ZFYVE27: variants seen among roughly 807,000 people sequenced by gnomAD.
ZFYVE27 encodes protrudin.
A neutral mutation model predicts 52.8 loss-of-function variants in ZFYVE27; 36 were observed. That is an observed-to-expected ratio of 0.68 (90% CI 0.52 to 0.90). The LOEUF (loss-of-function observed/expected upper bound fraction) is 0.90, where lower values mean the gene tolerates loss of function less well. ZFYVE27 is among the 40% of genes least tolerant of loss of function. The probability of loss-of-function intolerance (pLI) is 0.00; values close to 1 mark genes in which losing one functional copy is unlikely to be tolerated. For missense variants in ZFYVE27, 450 were observed against 527.2 expected, an observed-to-expected ratio of 0.85 and a Z score of 1.43; for synonymous variants, 223 against 215.6, an observed-to-expected ratio of 1.03 and a Z score of -0.30.
Position 97,746,494 on chromosome 10 carries a change from A to G in ZFYVE27, c.455+1579A>G, listed in dbSNP as rs182077680. The stretch of plus-strand genomic sequence containing the variant: ...TTTTCTTTTTCCTAAACCATTTGAA[A>G]GTAAGTTGCAAACGTGACTTAATAC... On this transcript the variant is annotated intron_variant, in intron 4 of 12. Coordinates refer to ENST00000684270, the MANE Select transcript of ZFYVE27 (RefSeq NM_001385875.1). Among the ~76,000 whole-genome samples, 7 of 152,338 alleles carry G rather than the reference A, an allele frequency of 4.6e-5. No homozygotes were observed. In the East Asian group the frequency reaches 1.3e-3, roughly 29 times the overall value.
chr10:97,748,590 T>C (rs1564820052), intron 5 of ZFYVE27, among the ~76,000 whole-genome samples: 1 of 152,206 alleles, frequency 6.6e-6, no homozygotes, highest in East Asian at 1.9e-4. Context: ...GAAAAATAAC[T>C]CACCATATAA....
intron 11 of ZFYVE27, 76 bp downstream of exon 11, chr10:97,757,387 C>A: frequency 6.2e-7 from 1 of 1,602,152 alleles, no homozygotes; most frequent in South Asian, 1.1e-5. Context: ...TGAGGGGAGT[C>A]ATTGAGAAAG....
chr10:97,753,213 G>T (rs1202445504), intron 10 of ZFYVE27, 31 bp downstream of exon 10: 1 of 1,599,400 alleles, frequency 6.3e-7, no homozygotes, highest in Admixed American at 1.7e-5. Flanking sequence ...TGGGCTGGTG[G>T]GGGAGTGGGG....
At chr10:97,750,519 C>T (rs762710983) in intron 7 of ZFYVE27, 49 bp downstream of exon 7, 2 of 1,610,604 alleles carry the variant, frequency 1.2e-6, no homozygotes, top group Non-Finnish European at 1.7e-6. Flanking sequence ...TTGTGGGCCC[C>T]CCTGTTATCA....
chr10:97,746,501 T>G (rs1205901722), intron 4 of ZFYVE27, among the ~76,000 whole-genome samples: 1 of 152,216 alleles, frequency 6.6e-6, no homozygotes, highest in African/African-American at 2.4e-5. Context: ...GAAAGTAAGT[T>G]GCAAACGTGA....
At position 97,751,414 on chromosome 10, in the gene ZFYVE27, G is replaced by A. The variant is rs771469785; in HGVS notation, c.828G>A (p.Glu276=). Residue 276 remains glutamate (E), a synonymous_variant, in exon 8 of 13, where the codon GAG becomes GAA. Transcript: ENST00000684270. ...PTEDLTPGSV[E]EAEEAEPDEE... ...AGGACCTCACACCGGGCAGCGTGGA[G>A]GAGGCTGAGGAGGCTGAGCCAGATG... 5.6e-6 allele frequency: 9 copies of A among 1,613,960 alleles called. No individual in the cohort carries two copies. Among genetic ancestry groups the A allele is most frequent in the Non-Finnish European group, 7.6e-6 (9 of 1,179,880 alleles).
At chr10:97,748,093 G>A (rs370060499) in intron 4 of ZFYVE27, among the ~76,000 whole-genome samples, 176 bp from the exon 5 acceptor site, 2 of 152,308 alleles carry the variant, frequency 1.3e-5, no homozygotes, top group South Asian at 4.1e-4. Context: ...AAATGTAGCT[G>A]GGGTGGCTTA....
intron 4 of ZFYVE27, 56 bp from the exon 5 acceptor site, chr10:97,748,213 G>A (rs1425019725): frequency 1.9e-6 from 3 of 1,556,802 alleles, no homozygotes; most frequent in Non-Finnish European, 2.7e-6. Flanking sequence ...AAGGCCCCAG[G>A]CTCCACTTCC....
In ZFYVE27 at chr10:97,744,843, A is replaced by G. The variant is rs768154942; in HGVS notation, c.383A>G (p.His128Arg). ...TCCGAGCTGATGCGGAGGAAGTATCATAGCGTGAGGCAGGAGGACCTGCAG... is the reference window on the plus strand; with the variant it reads ...TCCGAGCTGATGCGGAGGAAGTATCGTAGCGTGAGGCAGGAGGACCTGCAG... ...PDSELMRRKY[H>R]SVRQEDLQRG... The change falls in exon 4 of 13, where the codon CAT (histidine) becomes CGT (arginine). Residue 128 changes from histidine to arginine, a missense_variant. Transcript: ENST00000684270. 8.1e-6 allele frequency: 13 copies of G among 1,613,340 alleles called. No individual in the cohort carries two copies. The highest frequency in any genetic ancestry group is 4.0e-5 in the African/African-American group (3 of 74,938).
At chr10:97,743,059 ACT>A (rs1303409238) in intron 2 of ZFYVE27, 33 bp from the exon 3 acceptor site, 2 of 1,612,448 alleles carry the variant, frequency 1.2e-6, no homozygotes, top group Admixed American at 1.7e-5. Context: ...TGGAGGAGTG[ACT>A]CTCTGTAGTG....
chr10:97,759,442 C>T lies in ZFYVE27; in HGVS notation c.*142C>T. The T allele has an allele frequency of 4.8e-6, 4 of 837,370 alleles. No individual in the cohort carries two copies. Among genetic ancestry groups the T allele is most frequent in the Non-Finnish European group, 8.0e-6 (4 of 500,432 alleles). 51.9% of individuals were successfully genotyped at this position (837,370 alleles called of 1,614,324 possible). Reference sequence around the variant, plus strand: ...GTAGGCTTCCCCTTCCTTCCTCACTCTCTCCAGCTGGATTCTGGAGCTGTT... The same window carrying T: ...GTAGGCTTCCCCTTCCTTCCTCACTTTCTCCAGCTGGATTCTGGAGCTGTT... On this transcript the variant is annotated 3_prime_UTR_variant, in exon 13 of 13. Transcript: ENST00000684270.
chr10:97,742,702 A>G (rs1400953660), intron 2 of ZFYVE27, among the ~76,000 whole-genome samples: 2 of 152,226 alleles, frequency 1.3e-5, no homozygotes, highest in Non-Finnish European at 2.9e-5. Flanking sequence ...ATCTTGTGCA[A>G]TGATTATATA....
intron 10 of ZFYVE27, chr10:97,754,651 G>A: frequency 7.8e-7 from 1 of 1,287,630 alleles, no homozygotes; most frequent in Non-Finnish European, 1.0e-6. Context: ...GACTTCTGCA[G>A]GGCATTCTGT....
In ZFYVE27 at chr10:97,759,377, C is replaced by T. The variant is rs2049187539; in HGVS notation, c.*77C>T. ...CCCCCCACTCTCCCCACCCCTGGCC[C>T]ACTGTGGTGTGTGCTGGGCAAATGT... On this transcript the variant is annotated 3_prime_UTR_variant, in exon 13 of 13. Coordinates refer to ENST00000684270, the MANE Select transcript of ZFYVE27 (RefSeq NM_001385875.1). 6.6e-7 allele frequency: 1 copy of T among 1,510,686 alleles called. No individual in the cohort carries two copies. The highest frequency in any genetic ancestry group is 9.2e-7 in the Non-Finnish European group (1 of 1,087,662). The allele number at this position is 1,510,686 out of a possible 1,614,324, so 93.6% of individuals were successfully genotyped here. A position where few individuals can be genotyped will look rare whatever the true frequency, so the allele number is the denominator to read the frequency against.
At position 97,757,687 on chromosome 10, in the gene ZFYVE27, T is replaced by C. The variant is rs761562925; in HGVS notation, c.1135T>C (p.Ser379Pro). Residue 379 changes from serine to proline, a missense_variant, in exon 12 of 13, where the codon TCC becomes CCC. Transcript: ENST00000684270. ...CGNSFCSRCC[S>P]FKVPKSSMGA... ...AAACAGCTTCTGCTCTCGATGCTGCTCCTTCAAGGTGCCCAAGTCCTCCAT... is the reference window on the plus strand; with the variant it reads ...AAACAGCTTCTGCTCTCGATGCTGCCCCTTCAAGGTGCCCAAGTCCTCCAT... 2 of 1,614,194 alleles carry C rather than the reference T, an allele frequency of 1.2e-6. No homozygotes were observed. The highest frequency in any genetic ancestry group is 2.2e-5 in the South Asian group (2 of 91,086).
chr10:97,740,065 G>T (rs10786370), intron 2 of ZFYVE27, among the ~76,000 whole-genome samples: 2 of 151,906 alleles, frequency 1.3e-5, no homozygotes, highest in African/African-American at 4.8e-5. Context: ...GCACATGTGT[G>T]TATTTCTAGG....
chr10:97,748,621 CTTGT>C (rs969917366), intron 5 of ZFYVE27, among the ~76,000 whole-genome samples: 11 of 152,172 alleles, frequency 7.2e-5, no homozygotes, highest in African/African-American at 2.7e-4. Flanking sequence ...AGCCGAATCT[CTTGT>C]TTGTTTTGCC....
chr10:97,743,280 C>G, intron 3 of ZFYVE27, 116 bp downstream of exon 3: 1 of 1,218,236 alleles, frequency 8.2e-7, no homozygotes, highest in Admixed American at 1.8e-5. Context: ...AGTTAGTGTT[C>G]CTCTGTGTCT....
chr10:97,759,509 C>G lies in ZFYVE27; in HGVS notation c.*209C>G. ...GGCTGGCAATGGCTGCTCTCAATCC[C>G]TTGAGGGAGAAGAGCCCCTGGAGGG... On this transcript the variant is annotated 3_prime_UTR_variant, in exon 13 of 13. Transcript: ENST00000684270. The G allele has an allele frequency of 1.6e-6, 1 of 641,328 alleles. No individual in the cohort carries two copies. The allele number at this position is 641,328 out of a possible 1,614,324, so 39.7% of individuals were successfully genotyped here.
Sources: gnomAD v4.1 joint callset for allele counts (sites outside exome capture counted in the v4.1 genomes callset) on GRCh38, gnomAD v4.1.1 for gene constraint, MANE v1.5 for transcripts, NCBI Gene and HGNC (gene_info 2026-07-23, HGNC 2026-07-21) for gene names.